Variants in MOSMO observed in about 807,000 individuals in gnomAD.
The protein encoded by MOSMO is modulator of smoothened protein.
In MOSMO, 5 loss-of-function variants were observed where a neutral mutation model predicts 18.4. That is an observed-to-expected ratio of 0.27 (90% CI 0.14 to 0.57). The LOEUF is 0.57. Ranked by LOEUF, MOSMO falls within the 20% of genes least tolerant of loss-of-function variation. The pLI is 0.92. For synonymous variants in MOSMO, 82 were observed against 82.3 expected (o/e 1.00, Z 0.02); for missense variants, 138 against 211.8 (o/e 0.65, Z 2.16).
the MOSMO span, chr16:22,092,579 T>A: frequency 6.5e-7 from 1 of 1,545,936 alleles, no homozygotes; most frequent in Non-Finnish European, 8.7e-7. Context: ...AGAAGTGAGA[T>A]CCAGGAGAAG....
chr16:22,080,532 A>G (rs1598028566), intron 2 of MOSMO, among the ~76,000 whole-genome samples, 164 bp from the exon 3 acceptor site: 1 of 152,360 alleles, frequency 6.6e-6, no homozygotes, highest in East Asian at 1.9e-4. Flanking sequence ...GTTAGGCTTC[A>G]GGGATACTAT....
At chr16:22,010,417 TC>T (rs1029779608) in intron 1 of MOSMO, among the ~76,000 whole-genome samples, 2 of 152,210 alleles carry the variant, frequency 1.3e-5, no homozygotes, top group African/African-American at 4.8e-5. Context: ...GTGTATTGAC[TC>T]CTTTTATGAG....
intron 1 of MOSMO, among the ~76,000 whole-genome samples, chr16:22,067,216 A>G (rs1044788733): frequency 1.3e-4 from 20 of 152,346 alleles, no homozygotes; most frequent in African/African-American, 4.8e-4. Flanking sequence ...TGAAGAGAAC[A>G]TAAGAAATGT....
At chr16:22,049,197 G>T (rs1598012728) in intron 1 of MOSMO, among the ~76,000 whole-genome samples, 1 of 151,328 alleles carries the variant, frequency 6.6e-6, no homozygotes, top group African/African-American at 2.4e-5. Flanking sequence ...AAGTTTTCTT[G>T]GTTTGCTTTA....
intron 1 of MOSMO, among the ~76,000 whole-genome samples, chr16:22,060,683 G>T (rs1033433701): frequency 6.6e-6 from 1 of 152,068 alleles, no homozygotes; most frequent in African/African-American, 2.4e-5. Context: ...GACTAGTCTG[G>T]CCAACATGGT....
In MOSMO at chr16:22,082,131, A is replaced by G. The variant is rs1901095746; in HGVS notation, c.*1251A>G. ...ATATCTGGCTATTTTGGCTATTTAC[A>G]ACACTAATTTCATTATTTTTATCTG... On this transcript the variant is annotated 3_prime_UTR_variant, in exon 3 of 3. Coordinates refer to ENST00000542527, the MANE Select transcript of MOSMO (RefSeq NM_001164579.2). 6.6e-6 allele frequency: 1 copy of G among 152,198 alleles called. No individual in the cohort carries two copies. Among genetic ancestry groups the G allele is most frequent in the African/African-American group, 2.4e-5 (1 of 41,454 alleles). The allele number at this position is 152,198 out of a possible 1,614,324, so 9.4% of individuals were successfully genotyped here.
At chr16:22,028,368 G>GTT (rs75815099) in intron 1 of MOSMO, among the ~76,000 whole-genome samples, 74 of 145,898 alleles carry the variant, frequency 5.1e-4, no homozygotes, top group South Asian at 2.6e-3. Flanking sequence ...TCTTTTTTAT[G>GTT]TTTTTTTTTT....
chr16:22,073,892 G>GATAC (rs1900910309), intron 1 of MOSMO, among the ~76,000 whole-genome samples: 1 of 151,868 alleles, frequency 6.6e-6, no homozygotes, highest in South Asian at 2.1e-4. Flanking sequence ...TCACCAGATG[G>GATAC]GTATAGTTAT....
chr16:22,080,041 C>G (rs1302676669), intron 2 of MOSMO, among the ~76,000 whole-genome samples: 2 of 152,152 alleles, frequency 1.3e-5, no homozygotes, highest in East Asian at 3.8e-4. Context: ...GCCTCGGCCC[C>G]CCAAAGTGCT....
At chr16:22,090,475 C>G (rs533200834), downstream of MOSMO, among the ~76,000 whole-genome samples, 2 of 152,316 alleles carry the variant, frequency 1.3e-5, no homozygotes, top group Non-Finnish European at 2.9e-5. Flanking sequence ...TTTGGCATGT[C>G]ACTTTAATCT....
At chr16:22,027,580 A>T (rs1598001364) in intron 1 of MOSMO, among the ~76,000 whole-genome samples, 1 of 152,200 alleles carries the variant, frequency 6.6e-6, no homozygotes, top group Non-Finnish European at 1.5e-5. Flanking sequence ...AGCTATTATT[A>T]TTTATCCTTC....
chr16:22,060,650 G>C (rs943019820), intron 1 of MOSMO, among the ~76,000 whole-genome samples: 4 of 152,100 alleles, frequency 2.6e-5, no homozygotes, highest in Non-Finnish European at 4.4e-5. Context: ...AAGCAGTCCA[G>C]TCAGTTGAAC....
chr16:22,084,006 AAC>A lies in MOSMO; in HGVS notation c.*3129_*3130del, dbSNP rs1247919137. On this transcript the variant is annotated 3_prime_UTR_variant, in exon 3 of 3. Coordinates refer to ENST00000542527, the MANE Select transcript of MOSMO (RefSeq NM_001164579.2). Reference sequence around the variant, plus strand: ...TCTTTTTAATGTTCTAGATGACCAAAACACTATTGGTTTTTACCCTTTTGCCT... The same window carrying A: ...TCTTTTTAATGTTCTAGATGACCAAAACTATTGGTTTTTACCCTTTTGCCT... 21 of 253,892 alleles carry A rather than the reference AAC, an allele frequency of 8.3e-5. No individual in the cohort carries two copies. The East Asian group carries it at 2.7e-3, about 32-fold the overall frequency. 15.7% of individuals were successfully genotyped at this position (253,892 alleles called of 1,614,324 possible). A position where few individuals can be genotyped will look rare whatever the true frequency, so the allele number is the denominator to read the frequency against.
At chr16:22,057,213 T>G (rs1900554143) in intron 1 of MOSMO, among the ~76,000 whole-genome samples, 1 of 152,198 alleles carries the variant, frequency 6.6e-6, no homozygotes, top group Non-Finnish European at 1.5e-5. Flanking sequence ...CAGAAATTAT[T>G]TCTCACAGTT....
At chr16:22,092,626 A>T in the MOSMO span, 1 of 1,550,478 alleles carries the variant, frequency 6.4e-7, no homozygotes, top group Non-Finnish European at 8.7e-7. Flanking sequence ...TCTCCCAAAG[A>T]TGGAGAAATA....
intron 1 of MOSMO, among the ~76,000 whole-genome samples, chr16:22,024,991 A>T (rs1022755245): frequency 4.1e-5 from 6 of 145,994 alleles, no homozygotes; most frequent in African/African-American, 7.5e-5. Flanking sequence ...CTCTACAAAC[A>T]TTTTTTTTTT....
At chr16:22,092,556 G>C in the MOSMO span, 1 of 1,531,380 alleles carries the variant, frequency 6.5e-7, no homozygotes, top group Non-Finnish European at 8.8e-7. Context: ...GCTTGGAGGA[G>C]CTTGGAGAAA....
At chr16:22,017,957 C>T (rs1266096154) in intron 1 of MOSMO, among the ~76,000 whole-genome samples, 2 of 152,052 alleles carry the variant, frequency 1.3e-5, no homozygotes, top group Non-Finnish European at 2.9e-5. Flanking sequence ...TACCAACTAA[C>T]ATGTATAGTT....
At position 22,080,998 on chromosome 16, in the gene MOSMO, A is replaced by G. The variant is rs140660225; in HGVS notation, c.*118A>G. ...GCAGGCCTCTCATGGGAAGATGCTC[A>G]GATGAAACTGATGCTGAGAAGGAAA... On this transcript the variant is annotated 3_prime_UTR_variant, in exon 3 of 3. Coordinates refer to ENST00000542527, the MANE Select transcript of MOSMO (RefSeq NM_001164579.2). 6.4e-3 allele frequency: 2,664 copies of G among 418,850 alleles called. 11 individuals are homozygous for G. The highest frequency in any genetic ancestry group is 8.8e-3 in the Non-Finnish European group (2,196 of 249,424). 25.9% of individuals were successfully genotyped at this position (418,850 alleles called of 1,614,324 possible).
Sources: gnomAD v4.1 joint callset for allele counts (sites outside exome capture counted in the v4.1 genomes callset) on GRCh38, gnomAD v4.1.1 for gene constraint, MANE v1.5 for transcripts, NCBI Gene and HGNC (gene_info 2026-07-23, HGNC 2026-07-21) for gene names.